Variants in IPMK observed in about 807,000 individuals in gnomAD.
IPMK encodes the protein inositol polyphosphate multikinase.
In IPMK, 17 loss-of-function variants were observed where a neutral mutation model predicts 45.8. That is an observed-to-expected ratio of 0.37 (90% CI 0.25 to 0.56). The LOEUF is 0.56. Among genes scored for constraint, IPMK ranks in the 20% least tolerant of loss-of-function variants. IPMK has a pLI of 0.79. For missense variants in IPMK, 399 were observed against 498.0 expected, an observed-to-expected ratio of 0.80 and a Z score of 1.89; for synonymous variants, 180 against 184.3, an observed-to-expected ratio of 0.98 and a Z score of 0.19.
chr10:58,223,958 T>C (rs1042153646), intron 3 of IPMK, among the ~76,000 whole-genome samples: 3 of 152,222 alleles, frequency 2.0e-5, no homozygotes, highest in African/African-American at 4.8e-5. Context: ...GTGAGTCGAT[T>C]AAACCTCTTT....
Position 58,247,516 on chromosome 10 carries a change from G to A in IPMK, c.191-9702C>T, listed in dbSNP as rs889599575. On this transcript the variant is annotated intron_variant, in intron 1 of 5. Transcript: ENST00000373935. ...TCATGTCCTTTGTAGGGACATGGAT[G>A]AAATTGGAAATCATCATTCTCAGTA... Among the ~76,000 whole-genome samples, 558 of 151,850 alleles carry A rather than the reference G, an allele frequency of 3.7e-3. 1 individual carries two copies. Among genetic ancestry groups the A allele is most frequent in the African/African-American group, 0.013 (518 of 41,326 alleles).
rs563959770 is a variant in IPMK, at chr10:58,235,776, G to A, written c.276+1953C>T. 3.9e-5 allele frequency among the ~76,000 whole-genome samples: 6 copies of A among 152,014 alleles called. No individual in the cohort carries two copies. In the South Asian group the frequency reaches 1.0e-3, roughly 26 times the overall value. ...GTATACTTATGTATCAAACCTGCAC[G>A]TTGTGCACATGTATCCTAGAACTTA... On this transcript the variant is annotated intron_variant, in intron 2 of 5. Transcript: ENST00000373935.
intron 1 of IPMK, among the ~76,000 whole-genome samples, chr10:58,243,425 A>G (rs889206977): frequency 6.6e-6 from 1 of 152,164 alleles, no homozygotes; most frequent in Non-Finnish European, 1.5e-5. Context: ...CCTGGACCGT[A>G]CTGCCATGAT....
chr10:58,218,712 G>A (rs1198544059), intron 3 of IPMK, among the ~76,000 whole-genome samples: 1 of 152,152 alleles, frequency 6.6e-6, no homozygotes, highest in African/African-American at 2.4e-5. Flanking sequence ...TCTTCTACCT[G>A]TCAACCTGAC....
At chr10:58,205,040 G>T (rs1838051893) in intron 4 of IPMK, among the ~76,000 whole-genome samples, 1 of 152,150 alleles carries the variant, frequency 6.6e-6, no homozygotes, top group Non-Finnish European at 1.5e-5. Context: ...GCAAAAGAAT[G>T]AAGTTTGACC....
At position 58,193,641 on chromosome 10, in the gene IPMK, T is replaced by C. The variant is rs1028058159; in HGVS notation, c.*2435A>G. 6.6e-6 allele frequency: 1 copy of C among 151,796 alleles called. No homozygotes were observed. The highest frequency in any genetic ancestry group is 2.4e-5 in the African/African-American group (1 of 41,430). 9.4% of individuals were successfully genotyped at this position (151,796 alleles called of 1,614,324 possible). ...TTAAAGTCCTTTTTAAATGAGTGTA[T>C]TCCATAAGAAATACACTAAAATCAT... On this transcript the variant is annotated 3_prime_UTR_variant, in exon 6 of 6. Transcript: ENST00000373935.
At chr10:58,264,731 AAATT>A (rs1173719737) in intron 1 of IPMK, among the ~76,000 whole-genome samples, 2 of 152,330 alleles carry the variant, frequency 1.3e-5, no homozygotes, top group South Asian at 2.1e-4. Context: ...ATAGTTAAAT[AAATT>A]GTGATACATC....
At chr10:58,221,239 C>T (rs1838328091) in intron 3 of IPMK, among the ~76,000 whole-genome samples, 1 of 152,264 alleles carries the variant, frequency 6.6e-6, no homozygotes, top group Non-Finnish European at 1.5e-5. Flanking sequence ...GACCACTAAC[C>T]TCAAGTATGC....
intron 2 of IPMK, among the ~76,000 whole-genome samples, chr10:58,229,794 G>A (rs1393070338): frequency 3.3e-5 from 5 of 152,076 alleles, no homozygotes; most frequent in Admixed American, 6.5e-5. Context: ...CGCAGAAGAC[G>A]GGTGATTTCT....
At chr10:58,241,907 A>G (rs1014720651) in intron 1 of IPMK, among the ~76,000 whole-genome samples, 6 of 151,938 alleles carry the variant, frequency 3.9e-5, no homozygotes, top group Non-Finnish European at 7.4e-5. Flanking sequence ...GAAACCAACT[A>G]TAACAACAAT....
chr10:58,247,216 A>G (rs1434936854), intron 1 of IPMK, among the ~76,000 whole-genome samples: 1 of 148,962 alleles, frequency 6.7e-6, no homozygotes, highest in East Asian at 2.0e-4. Flanking sequence ...GGGACTGTAA[A>G]CTAGTTCAAC....
intron 2 of IPMK, among the ~76,000 whole-genome samples, chr10:58,227,552 T>C (rs1838437557): frequency 6.6e-6 from 1 of 152,212 alleles, no homozygotes; most frequent in Non-Finnish European, 1.5e-5. Flanking sequence ...AATGTGTGTT[T>C]CTTTAACTTC....
At chr10:58,250,913 C>T (rs754331987) in intron 1 of IPMK, among the ~76,000 whole-genome samples, 3 of 152,126 alleles carry the variant, frequency 2.0e-5, no homozygotes, top group Non-Finnish European at 4.4e-5. Context: ...AAATGTTTTT[C>T]AGCATCTATT....
intron 1 of IPMK, 25 bp from the exon 2 acceptor site, chr10:58,237,839 T>C: frequency 1.3e-6 from 2 of 1,497,364 alleles, no homozygotes; most frequent in Non-Finnish European, 1.9e-6. Context: ...TCAGAAATTG[T>C]TTAATGCTTT....
At chr10:58,214,361 T>G (rs976173941) in intron 4 of IPMK, among the ~76,000 whole-genome samples, 2 of 152,180 alleles carry the variant, frequency 1.3e-5, no homozygotes, top group Non-Finnish European at 2.9e-5. Context: ...ATGATTTTTA[T>G]TTTTTCTAAA....
chr10:58,219,631 T>C (rs1838300091), intron 3 of IPMK, among the ~76,000 whole-genome samples: 1 of 152,172 alleles, frequency 6.6e-6, no homozygotes, highest in African/African-American at 2.4e-5. Flanking sequence ...CCTCTGGGTA[T>C]AGAGTGGAGC....
chr10:58,259,889 A>C (rs778006852), intron 1 of IPMK, among the ~76,000 whole-genome samples: 2 of 152,106 alleles, frequency 1.3e-5, no homozygotes, highest in African/African-American at 2.4e-5. Flanking sequence ...TTAGAATATT[A>C]CTATTTTGCA....
At chr10:58,246,340 C>T (rs1258875105) in intron 1 of IPMK, among the ~76,000 whole-genome samples, 13 of 147,834 alleles carry the variant, frequency 8.8e-5, no homozygotes, top group African/African-American at 2.9e-4. Flanking sequence ...GAGTCCGCAT[C>T]GCCAAGTCAA....
intron 3 of IPMK, among the ~76,000 whole-genome samples, chr10:58,223,801 G>C (rs1838372673): frequency 6.6e-6 from 1 of 152,078 alleles, no homozygotes; most frequent in African/African-American, 2.4e-5. Context: ...TGATAGTGAG[G>C]GAATTCTCAC....
Sources: gnomAD v4.1 joint callset for allele counts (sites outside exome capture counted in the v4.1 genomes callset) on GRCh38, gnomAD v4.1.1 for gene constraint, MANE v1.5 for transcripts, NCBI Gene and HGNC (gene_info 2026-07-23, HGNC 2026-07-21) for gene names.